DIS3L2: variants seen among roughly 807,000 people sequenced by gnomAD.
DIS3L2 encodes the protein DIS3-like exonuclease 2.
A neutral mutation model predicts 97.5 loss-of-function variants in DIS3L2; 34 were observed. The observed-to-expected ratio is 0.35, with a 90% CI of 0.27 to 0.46. DIS3L2 has a LOEUF of 0.46. DIS3L2 is among the 20% of genes least tolerant of loss of function. The pLI, the probability that DIS3L2 is intolerant of heterozygous loss-of-function variation, is 1.00. For synonymous variants in DIS3L2, 435 were observed against 445.2 expected (o/e 0.98, Z 0.29); for missense variants, 1,038 against 1,146.0 (o/e 0.91, Z 1.36).
chr2:232,096,302 G>A (rs1482981266), intron 6 of DIS3L2, among the ~76,000 whole-genome samples: 1 of 151,736 alleles, frequency 6.6e-6, no homozygotes, highest in Non-Finnish European at 1.5e-5. Flanking sequence ...TAGCCAGGAT[G>A]GTCTTGATCT....
intron 4 of DIS3L2, among the ~76,000 whole-genome samples, chr2:232,026,695 TG>T (rs1416769546): frequency 6.6e-6 from 1 of 152,080 alleles, no homozygotes; most frequent in Non-Finnish European, 1.5e-5. Flanking sequence ...AGAGGTCCTA[TG>T]GTTCCTGCAA....
At chr2:232,291,150 A>G (rs1415959067) in intron 13 of DIS3L2, among the ~76,000 whole-genome samples, 1 of 152,218 alleles carries the variant, frequency 6.6e-6, no homozygotes, top group Non-Finnish European at 1.5e-5. Context: ...GAAATTTAAT[A>G]CATTGCCATA....
intron 9 of DIS3L2, among the ~76,000 whole-genome samples, chr2:232,208,181 C>G (rs533210381): frequency 6.6e-6 from 1 of 152,178 alleles, no homozygotes; most frequent in Non-Finnish European, 1.5e-5. Flanking sequence ...CTGCTGCCCC[C>G]GCACAAGCGT....
chr2:232,005,581 A>G (rs1694030902), intron 1 of DIS3L2, among the ~76,000 whole-genome samples: 2 of 152,160 alleles, frequency 1.3e-5, no homozygotes, highest in East Asian at 3.9e-4. Context: ...TTTTATAAAA[A>G]CTCATGAAAT....
At chr2:232,239,763 G>A (rs1693029134) in intron 11 of DIS3L2, among the ~76,000 whole-genome samples, 1 of 152,190 alleles carries the variant, frequency 6.6e-6, no homozygotes, top group Non-Finnish European at 1.5e-5. Context: ...TGTTCACAAA[G>A]GTATTGGCAC....
chr2:232,298,684 TA>T (rs573969135), intron 13 of DIS3L2, among the ~76,000 whole-genome samples: 3 of 150,554 alleles, frequency 2.0e-5, no homozygotes, highest in South Asian at 2.1e-4. Context: ...GCCTTGTAGT[TA>T]AAAAAAAAAT....
chr2:232,182,342 A>G (rs182790207), intron 9 of DIS3L2, among the ~76,000 whole-genome samples: 209 of 152,286 alleles, frequency 1.4e-3, no homozygotes, highest in African/African-American at 4.8e-3. Flanking sequence ...AACTTGTTAT[A>G]TGGTGTGGAG....
intron 5 of DIS3L2, among the ~76,000 whole-genome samples, chr2:232,045,567 A>G (rs1695216507): frequency 2.0e-5 from 3 of 152,136 alleles, no homozygotes; most frequent in African/African-American, 7.2e-5. Context: ...AGAAAGTGGA[A>G]CAGCAAGTGG....
At chr2:232,018,792 T>C (rs1443335111) in intron 3 of DIS3L2, among the ~76,000 whole-genome samples, 3 of 152,174 alleles carry the variant, frequency 2.0e-5, no homozygotes, top group Non-Finnish European at 4.4e-5. Flanking sequence ...TTTTTTCCTA[T>C]GTGGGGAGGA....
At chr2:232,149,258 A>C (rs1172808242) in intron 8 of DIS3L2, among the ~76,000 whole-genome samples, 1 of 147,096 alleles carries the variant, frequency 6.8e-6, no homozygotes. Flanking sequence ...CAGGTTAGTT[A>C]CATATGTATA....
chr2:232,100,694 C>T (rs1697170114), intron 6 of DIS3L2, among the ~76,000 whole-genome samples: 1 of 151,690 alleles, frequency 6.6e-6, no homozygotes, highest in Admixed American at 6.6e-5. Flanking sequence ...ATTTTATTGT[C>T]AGAGTATAGG....
At chr2:231,999,551 A>G (rs1323482026) in intron 1 of DIS3L2, among the ~76,000 whole-genome samples, 1 of 152,136 alleles carries the variant, frequency 6.6e-6, no homozygotes, top group African/African-American at 2.4e-5. Context: ...TTTTTTCTCC[A>G]ACATTGACAA....
At chr2:232,031,829 A>G (rs1299468190) in intron 5 of DIS3L2, among the ~76,000 whole-genome samples, 3 of 152,018 alleles carry the variant, frequency 2.0e-5, no homozygotes, top group Admixed American at 2.0e-4. Flanking sequence ...AAGGACATAA[A>G]CTCATTCTTT....
At chr2:232,339,610 C>T (rs1559223724), downstream of DIS3L2, 4 of 410,044 alleles carry the variant, frequency 9.8e-6, no homozygotes, top group Non-Finnish European at 2.0e-5. Context: ...GGACAAGAGC[C>T]TCTCCAGGCC....
At chr2:232,160,338 T>G (rs1428321949) in intron 8 of DIS3L2, among the ~76,000 whole-genome samples, 1 of 152,216 alleles carries the variant, frequency 6.6e-6, no homozygotes, top group Non-Finnish European at 1.5e-5. Flanking sequence ...AATAGGAATA[T>G]TCAAGTATCA....
intron 1 of DIS3L2, among the ~76,000 whole-genome samples, chr2:231,971,638 G>A (rs192882785): frequency 6.6e-6 from 1 of 151,928 alleles, no homozygotes; most frequent in South Asian, 2.1e-4. Context: ...TAGTAGAGAC[G>A]GGTTTCACCG....
At chr2:232,340,473 T>C (rs527876026), downstream of DIS3L2, among the ~76,000 whole-genome samples, 1 of 152,138 alleles carries the variant, frequency 6.6e-6, no homozygotes, top group South Asian at 2.1e-4. Flanking sequence ...GACCTCTTAC[T>C]GGTCGGCCCT....
intron 1 of DIS3L2, among the ~76,000 whole-genome samples, chr2:232,008,825 G>A (rs1468842376): frequency 1.3e-5 from 2 of 152,170 alleles, no homozygotes; most frequent in Non-Finnish European, 2.9e-5. Flanking sequence ...ACATAAGTCA[G>A]TGGTCAGACA....
chr2:232,265,172 A>C (rs1574981222), intron 13 of DIS3L2, among the ~76,000 whole-genome samples: 1 of 152,150 alleles, frequency 6.6e-6, no homozygotes, highest in African/African-American at 2.4e-5. Flanking sequence ...TCTGACCTGC[A>C]CCAGCCCCTT....
Sources: allele counts gnomAD v4.1 joint callset (sites outside exome capture counted in the v4.1 genomes callset), GRCh38; gene constraint gnomAD v4.1.1; transcripts MANE v1.5; gene names NCBI Gene and HGNC (gene_info 2026-07-23, HGNC 2026-07-21).